NFATC2: variants seen among roughly 807,000 people sequenced by gnomAD.
The protein encoded by NFATC2 is nuclear factor of activated T cells 2.
In NFATC2, 22 loss-of-function variants were observed where a neutral mutation model predicts 87.3. That is an observed-to-expected ratio of 0.25 (90% CI 0.18 to 0.36). The LOEUF is 0.36. Among genes scored for constraint, NFATC2 ranks in the 10% least tolerant of loss-of-function variants. The pLI is 1.00. For missense variants in NFATC2, 1,149 were observed against 1,259.1 expected, an observed-to-expected ratio of 0.91 and a Z score of 1.32; for synonymous variants, 565 against 542.2, an observed-to-expected ratio of 1.04 and a Z score of -0.58.
At chr20:51,477,428 C>T (rs1405476519) in intron 3 of NFATC2, among the ~76,000 whole-genome samples, 1 of 150,732 alleles carries the variant, frequency 6.6e-6, no homozygotes, top group Admixed American at 6.6e-5. Flanking sequence ...TCAAAGAGGA[C>T]TTTGACTTTA....
chr20:51,521,063 G>C (rs1164301170), intron 2 of NFATC2, among the ~76,000 whole-genome samples: 1 of 152,206 alleles, frequency 6.6e-6, no homozygotes, highest in African/African-American at 2.4e-5. Flanking sequence ...TGAAGTCTCT[G>C]AGAAGGCCTG....
chr20:51,435,735 C>T lies in NFATC2; in HGVS notation c.1876G>A (p.Ala626Thr). ...TGGCTCTTGTCCTTATCCACCGTGGCTTCCATCTCCCAAATTTGCTGTCCA... is the reference window on the plus strand; with the variant it reads ...TGGCTCTTGTCCTTATCCACCGTGGTTTCCATCTCCCAAATTTGCTGTCCA... ...TDGQQIWEME[A>T]TVDKDKSQPN... is the part of the protein sequence containing the mutation. Residue 626 changes from alanine to threonine, a missense_variant, in exon 7 of 11, where the codon GCC (alanine) becomes ACC (threonine). Physicochemically the swap from Ala to Thr is moderately conservative, Grantham distance 58. Transcript: ENST00000371564. 1 of 1,608,396 alleles carries T rather than the reference C, an allele frequency of 6.2e-7. No individual in the cohort carries two copies. The highest frequency in any genetic ancestry group is 8.5e-7 in the Non-Finnish European group (1 of 1,177,196).
chr20:51,526,530 C>T (rs570588900), intron 1 of NFATC2, among the ~76,000 whole-genome samples: 1 of 152,218 alleles, frequency 6.6e-6, no homozygotes, highest in South Asian at 2.1e-4. Context: ...CAGGGCCTGG[C>T]ACTTGCAAGC....
chr20:51,512,029 G>A (rs1259338970), intron 3 of NFATC2, among the ~76,000 whole-genome samples: 1 of 152,174 alleles, frequency 6.6e-6, no homozygotes, highest in Admixed American at 6.5e-5. Context: ...CCCTGCCTCA[G>A]GGCCTTTGCA....
rs148593967 is a variant in NFATC2 at position 51,443,827 on chromosome 20, C to T, written c.1850-8066G>A. Among the ~76,000 whole-genome samples, 69 of 152,094 alleles carry T rather than the reference C, an allele frequency of 4.5e-4. 1 individual carries two copies. The East Asian group carries it at 0.011, about 24-fold the overall frequency. ...GACTGGCAGCCGGTGTGAAAACAGC[C>T]CTTCCAAGTCTTAGTCAGAGGGGAA... On this transcript the variant is annotated intron_variant, in intron 6 of 10. Transcript: ENST00000371564.
At chr20:51,426,663 G>A (rs886203149) in intron 9 of NFATC2, among the ~76,000 whole-genome samples, 1 of 152,164 alleles carries the variant, frequency 6.6e-6, no homozygotes, top group Non-Finnish European at 1.5e-5. Context: ...AGTCAGTGAT[G>A]GAGCTGACAC....
chr20:51,439,350 C>G (rs1984010453), intron 6 of NFATC2, among the ~76,000 whole-genome samples: 2 of 152,228 alleles, frequency 1.3e-5, no homozygotes, highest in Non-Finnish European at 2.9e-5. Context: ...GAGGCAAGAG[C>G]ACAGGCCAAG....
chr20:51,523,357 G>A lies in NFATC2; in HGVS notation c.884C>T (p.Pro295Leu), dbSNP rs538296084. 1 of 1,612,016 alleles carries A rather than the reference G, an allele frequency of 6.2e-7. No individual in the cohort carries two copies. Among genetic ancestry groups the A allele is most frequent in the Non-Finnish European group, 8.5e-7 (1 of 1,179,004 alleles). Residue 295 changes from proline (P) to leucine (L), a missense_variant, in exon 2 of 11, where the codon CCC (proline) becomes CTC (leucine). Coordinates refer to ENST00000371564, the MANE Select transcript of NFATC2 (RefSeq NM_012340.5). The surrounding 1 kb of genome is among the most constrained non-coding windows in gnomAD (Gnocchi z 6.9). ...GATCACGGCAGAGCCAGCCACAGGG[G>A]GGTACCCAGCCGGGGAGCCGTGGTC... ...PQDHGSPAGY[P>L]PVAGSAVIMD...
chr20:51,483,573 G>A (rs867790273), intron 3 of NFATC2, among the ~76,000 whole-genome samples: 30 of 151,328 alleles, frequency 2.0e-4, no homozygotes, highest in Middle Eastern at 3.4e-3. Flanking sequence ...GTTGCAGCAC[G>A]TACCTGCCAT....
rs753650524 is a variant in NFATC2, at chr20:51,562,488, C to A, written c.70+72G>T. ...TCTGCCGGGAGCTGAAAGTGCTGCC[C>A]GGGACGGGAGCAGCAGGAAAGGGCC... On this transcript the variant is annotated intron_variant, in intron 1 of 10. Transcript: ENST00000414705. The surrounding 1 kb of genome is among the most constrained non-coding windows in gnomAD (Gnocchi z 5.8). 7.1e-5 allele frequency: 97 copies of A among 1,375,338 alleles called. No homozygotes were observed. The highest frequency in any genetic ancestry group is 9.5e-5 in the Non-Finnish European group (95 of 994,906). The allele number at this position is 1,375,338 out of a possible 1,614,324, so 85.2% of individuals were successfully genotyped here.
intron 5 of NFATC2, among the ~76,000 whole-genome samples, chr20:51,463,518 C>G (rs987767507): frequency 2.0e-5 from 3 of 152,220 alleles, no homozygotes; most frequent in Non-Finnish European, 2.9e-5. Flanking sequence ...GATCATTACT[C>G]TACCATTCCA....
At chr20:51,534,787 C>T (rs1376965688) in intron 1 of NFATC2, among the ~76,000 whole-genome samples, 1 of 152,186 alleles carries the variant, frequency 6.6e-6, no homozygotes, top group Non-Finnish European at 1.5e-5. Flanking sequence ...ACACCCTCGC[C>T]CAGGAAGAAC....
chr20:51,528,913 T>C (rs1291584823), intron 1 of NFATC2, among the ~76,000 whole-genome samples: 1 of 152,226 alleles, frequency 6.6e-6, no homozygotes, highest in Admixed American at 6.5e-5. Context: ...TGGTGGCTTC[T>C]GGCTCTGAAA....
At chr20:51,400,543 TAGAA>T (rs1028231649) in intron 9 of NFATC2, among the ~76,000 whole-genome samples, 18 of 152,214 alleles carry the variant, frequency 1.2e-4, no homozygotes, top group African/African-American at 3.9e-4. Flanking sequence ...CTCAGAGAAA[TAGAA>T]AGCATCACAT....
chr20:51,417,359 C>A, intron 9 of NFATC2, among the ~76,000 whole-genome samples: 1 of 152,166 alleles, frequency 6.6e-6, no homozygotes, highest in Non-Finnish European at 1.5e-5. Context: ...CGAGGCCTGT[C>A]CCCTCCATGC....
intron 2 of NFATC2, among the ~76,000 whole-genome samples, chr20:51,518,678 A>C (rs930934651): frequency 6.6e-6 from 1 of 152,274 alleles, no homozygotes; most frequent in Non-Finnish European, 1.5e-5. Context: ...CAATGATAAA[A>C]AGAAAACAAA....
intron 2 of NFATC2, among the ~76,000 whole-genome samples, chr20:51,518,185 T>G (rs1336576133): frequency 6.6e-6 from 1 of 152,246 alleles, no homozygotes; most frequent in Non-Finnish European, 1.5e-5. Context: ...TTCTAACTGC[T>G]GTCCCTTCTT....
At chr20:51,513,652 G>C (rs1346255655) in intron 3 of NFATC2, among the ~76,000 whole-genome samples, 1 of 152,214 alleles carries the variant, frequency 6.6e-6, no homozygotes, top group East Asian at 1.9e-4. Context: ...CCCAGCCCCT[G>C]ATGAATGGGT....
At chr20:51,482,970 G>A (rs1390961341) in intron 3 of NFATC2, among the ~76,000 whole-genome samples, 3 of 152,192 alleles carry the variant, frequency 2.0e-5, no homozygotes, top group African/African-American at 7.2e-5. Context: ...CCCAGGACAC[G>A]CGATCTGAGG....
Sources: gnomAD v4.1 joint callset for allele counts (sites outside exome capture counted in the v4.1 genomes callset) on GRCh38, gnomAD v4.1.1 for gene constraint, Gnocchi (gnomAD v3.1) non-coding constraint, MANE v1.5 for transcripts, NCBI Gene and HGNC (gene_info 2026-07-23, HGNC 2026-07-21) for gene names.